The following ZNF219 variants were observed in gnomAD, a reference collection of about 807,000 sequenced individuals.
ZNF219 encodes the protein zinc finger protein 219.
Under a neutral mutation model 54.4 loss-of-function variants are expected in ZNF219, and 17 were observed. That is an observed-to-expected ratio of 0.31 (90% CI 0.21 to 0.47). ZNF219 has a LOEUF of 0.47. ZNF219 is among the 20% of genes least tolerant of loss of function. The probability of loss-of-function intolerance (pLI) is 1.00; values close to 1 mark genes in which losing one functional copy is unlikely to be tolerated. For synonymous variants in ZNF219, 518 were observed against 476.4 expected, an observed-to-expected ratio of 1.09 and a Z score of -1.14; for missense variants, 1,014 against 1,062.3, an observed-to-expected ratio of 0.95 and a Z score of 0.63.
Position 21,091,038 on chromosome 14 carries a change from G to T in ZNF219, c.1667C>A (p.Ala556Asp). The change falls in exon 5 of 5, where the codon GCC (alanine) becomes GAC (aspartate). Residue 556 changes from alanine to aspartate, a missense_variant. This residue lies in a region of ZNF219 where 281 missense variants were observed against 271.2 expected (regional missense o/e 1.04). Transcript: ENST00000360947. ...TGGCTCCGGGGGTGGCCCGGGGCCG[G>T]CCCCGCTCCTCTGCTCCCGGTGGTG... is the stretch of plus-strand genomic sequence containing the variant. Reference protein sequence around the residue: ...QRHHREQRSGAGPGPPPEPPP... With the variant: ...QRHHREQRSGDGPGPPPEPPP... 1 of 1,555,044 alleles carries T rather than the reference G, an allele frequency of 6.4e-7. No homozygotes were observed.
chr14:21,098,681 G>T, upstream of ZNF219: 1 of 888,532 alleles, frequency 1.1e-6, no homozygotes, highest in Non-Finnish European at 1.4e-6. Context: ...AGGGAGGGAG[G>T]AAGGGAGGGA....
upstream of ZNF219, among the ~76,000 whole-genome samples, chr14:21,100,532 G>GAGATAGATAGAT (rs3062000): frequency 2.0e-4 from 30 of 150,226 alleles, no homozygotes; most frequent in Admixed American, 3.3e-4. Flanking sequence ...TGAGGACCAT[G>GAGATAGATAGAT]AGATAGATAG....
In ZNF219 at chr14:21,092,404, G is replaced by A; in HGVS notation, c.893C>T (p.Ala298Val). ...FLKGHMRKHK[A>V]SFDHACPVCG... ...CACCGGACACGCATGATCGAAGGAG[G>A]CCTTGTGCTTACGCATGTGGCCCTT... The change falls in exon 3 of 5, where the codon GCC (alanine) becomes GTC (valine). Residue 298 changes from alanine (A) to valine (V), a missense_variant. By Grantham distance (64) the Ala-to-Val change is moderately conservative. Transcript: ENST00000360947. 6.4e-7 allele frequency: 1 copy of A among 1,568,960 alleles called. No homozygotes were observed. Among genetic ancestry groups the A allele is most frequent in the Non-Finnish European group, 8.6e-7 (1 of 1,157,238 alleles).
chr14:21,096,095 T>C (rs1469428213), intron 1 of ZNF219, among the ~76,000 whole-genome samples: 1 of 152,160 alleles, frequency 6.6e-6, no homozygotes, highest in Non-Finnish European at 1.5e-5. Flanking sequence ...GGGCACATAC[T>C]CTCATTCTGA....
chr14:21,092,296 G>C lies in ZNF219; in HGVS notation c.1001C>G (p.Pro334Arg). The C allele has an allele frequency of 6.6e-7, 1 of 1,525,470 alleles. No individual in the cohort carries two copies. The highest frequency in any genetic ancestry group is 8.8e-7 in the Non-Finnish European group (1 of 1,139,018). The allele number at this position is 1,525,470 out of a possible 1,614,324, so 94.5% of individuals were successfully genotyped here. ...HASKLGPLRA[P>R]GPASGPARAP... The stretch of plus-strand genomic sequence containing the variant: ...GCGGGCAGGCCCGGAGGCAGGCCCC[G>C]GGGCACGCAGTGGGCCCAGCTTGCT... Residue 334 changes from proline to arginine, a missense_variant, in exon 3 of 5, where the codon CCG (proline) becomes CGG (arginine). Physicochemically the swap from Pro to Arg is moderately radical, Grantham distance 103. This residue lies in a region of ZNF219 where 272 missense variants were observed against 248.9 expected (regional missense o/e 1.09). Coordinates refer to ENST00000360947, the MANE Select transcript of ZNF219 (RefSeq NM_016423.3).
In ZNF219 at chr14:21,090,800, C is replaced by A. The variant is rs762261719; in HGVS notation, c.1905G>T (p.Pro635=). ...EPLDLSLRAG[P]GGEAGPGGAL... ...CACCCCCAGGCCCGGCCTCGCCTCC[C>A]GGCCCTGCCCGCAAGGACAGGTCCA... The change falls in exon 5 of 5, where the codon CCG becomes CCT. Residue 635 remains proline, a synonymous_variant. Transcript: ENST00000360947. The surrounding 1 kb of genome is among the most constrained non-coding windows in gnomAD (Gnocchi z 4.4). The A allele has an allele frequency of 1.9e-6, 3 of 1,572,710 alleles. No homozygotes were observed. The highest frequency in any genetic ancestry group is 2.7e-5 in the African/African-American group (2 of 74,302).
intron 1 of ZNF219, among the ~76,000 whole-genome samples, chr14:21,098,016 C>G (rs1003104393): frequency 6.6e-6 from 1 of 151,322 alleles, no homozygotes; most frequent in Non-Finnish European, 1.5e-5. Context: ...CACATCCCCC[C>G]CGTTGGCCCT....
upstream of ZNF219, chr14:21,098,903 A>G (rs1193170908): frequency 1.6e-6 from 2 of 1,259,254 alleles, no homozygotes; most frequent in Non-Finnish European, 2.1e-6. Flanking sequence ...CCTCTCCCTT[A>G]CAATTTCTGT....
Position 21,098,586 on chromosome 14 carries a change from A to G in ZNF219, c.-358T>C. On this transcript the variant is annotated 5_prime_UTR_variant, in exon 1 of 5. Coordinates refer to ENST00000360947, the MANE Select transcript of ZNF219 (RefSeq NM_016423.3). ...CGGGAGCCGGGCTCTGGCTCCGGGGACAGGGAGCTGGGGACCCCGGGAGCC... is the reference window on the plus strand; with the variant it reads ...CGGGAGCCGGGCTCTGGCTCCGGGGGCAGGGAGCTGGGGACCCCGGGAGCC... 1 of 996,406 alleles carries G rather than the reference A, an allele frequency of 1.0e-6. No homozygotes were observed. Among genetic ancestry groups the G allele is most frequent in the Non-Finnish European group, 1.2e-6 (1 of 836,758 alleles). The allele number at this position is 996,406 out of a possible 1,614,324, so 61.7% of individuals were successfully genotyped here.
intron 1 of ZNF219, among the ~76,000 whole-genome samples, chr14:21,095,562 C>T (rs1242978406): frequency 6.6e-6 from 1 of 152,214 alleles, no homozygotes; most frequent in Non-Finnish European, 1.5e-5. Flanking sequence ...TCACAGGACT[C>T]TTTTGGACCC....
rs1266434149 is a variant in ZNF219 at position 21,094,735 on chromosome 14, G to GGGGC, written c.-83-1062_-83-1061insGCCC. Among the ~76,000 whole-genome samples, 14 of 85,114 alleles carry GGGGC rather than the reference G, an allele frequency of 1.6e-4. 4 individuals carry two copies. The highest frequency in any genetic ancestry group is 6.3e-4 in the African/African-American group (14 of 22,240). 55.8% of individuals were successfully genotyped at this position (85,114 alleles called of 152,430 possible). A position where few individuals can be genotyped will look rare whatever the true frequency, so the allele number is the denominator to read the frequency against. ...GGAAGAGGATAGGGGTTGGGGGGGG[G>GGGGC]GGCGGGTGCTGATCCTAAGCTGCAG... On this transcript the variant is annotated intron_variant, in intron 1 of 4. Transcript: ENST00000360947.
In ZNF219 at chr14:21,093,159, G is replaced by C. The variant is rs540176082; in HGVS notation, c.138C>G (p.Ser46Arg). 6.2e-7 allele frequency: 1 copy of C among 1,610,254 alleles called. No individual in the cohort carries two copies. The highest frequency in any genetic ancestry group is 1.3e-5 in the African/African-American group (1 of 75,022). Residue 46 changes from serine (S) to arginine (R), a missense_variant, in exon 3 of 5, where the codon AGC becomes AGG. Transcript: ENST00000360947. ...GTTCGCCTGCACGACTCTCAGACCA[G>C]CTCACCGCTCCCATCCCGAGCGACC... The part of the protein sequence containing the change: ...SAGSLGMGAV[S>R]WSESRAGERR...
upstream of ZNF219, chr14:21,101,088 C>T (rs1214618574): frequency 2.8e-6 from 1 of 352,302 alleles, no homozygotes; most frequent in African/African-American, 2.1e-5. Context: ...CTTCCTCTGC[C>T]AGGACAAGTT....
chr14:21,090,105 G>C lies in ZNF219; in HGVS notation c.*431C>G, dbSNP rs1888697290. ...GTGCCTCAAGACACCTGTTTATTGGGGACACGACTCTGCAATAGGGATGAC... is the reference window on the plus strand; with the variant it reads ...GTGCCTCAAGACACCTGTTTATTGGCGACACGACTCTGCAATAGGGATGAC... On this transcript the variant is annotated 3_prime_UTR_variant, in exon 5 of 5. Coordinates refer to ENST00000360947, the MANE Select transcript of ZNF219 (RefSeq NM_016423.3). This position sits in a 1 kb window ranked among gnomAD's most constrained non-coding sequence, Gnocchi z 4.4. The C allele has an allele frequency of 2.5e-6, 1 of 402,718 alleles. No individual in the cohort carries two copies. The highest frequency in any genetic ancestry group is 5.1e-6 in the Non-Finnish European group (1 of 197,314). 24.9% of individuals were successfully genotyped at this position (402,718 alleles called of 1,614,324 possible). A position where few individuals can be genotyped will look rare whatever the true frequency, so the allele number is the denominator to read the frequency against.
Position 21,090,524 on chromosome 14 carries a change from CCT to C in ZNF219, c.*10_*11del. 2.5e-6 allele frequency: 4 copies of C among 1,580,288 alleles called. No homozygotes were observed. Among genetic ancestry groups the C allele is most frequent in the Non-Finnish European group, 3.4e-6 (4 of 1,159,986 alleles). On this transcript the variant is annotated 3_prime_UTR_variant, in exon 5 of 5. Transcript: ENST00000360947. The surrounding 1 kb of genome is among the most constrained non-coding windows in gnomAD (Gnocchi z 4.4). ...GGGTAAGCTCACTAAGCTAATCGCC[CCT>C]GAGGGCCCACTACCGTTCTTGCCCC... is the stretch of plus-strand genomic sequence containing the variant.
chr14:21,101,364 G>C (rs767414101), upstream of ZNF219: 6 of 1,551,574 alleles, frequency 3.9e-6, no homozygotes, highest in Admixed American at 2.0e-5. Flanking sequence ...GAGCTGGTGA[G>C]CAAGAGCAGG....
chr14:21,101,940 A>C (rs1407582301), upstream of ZNF219: 1 of 1,551,492 alleles, frequency 6.4e-7, no homozygotes, highest in Non-Finnish European at 8.7e-7. Context: ...TGATTGTCAC[A>C]TGGCCACAGC....
In ZNF219 at chr14:21,090,781, C is replaced by G; in HGVS notation, c.1924G>C (p.Gly642Arg). The change falls in exon 5 of 5, where the codon GGG becomes CGG. Residue 642 changes from glycine to arginine, a missense_variant. Transcript: ENST00000360947. This position sits in a 1 kb window ranked among gnomAD's most constrained non-coding sequence, Gnocchi z 4.4. ...RAGPGGEAGPGGALHRCLFCP... is the reference protein window; with the variant it reads ...RAGPGGEAGPRGALHRCLFCP... ...AAGAGGCAGCGGTGGAGGGCACCCC[C>G]AGGCCCGGCCTCGCCTCCCGGCCCT... is the stretch of plus-strand genomic sequence containing the variant. 4.4e-6 allele frequency: 7 copies of G among 1,594,016 alleles called. No individual in the cohort carries two copies. Among genetic ancestry groups the G allele is most frequent in the Non-Finnish European group, 6.0e-6 (7 of 1,171,100 alleles).
upstream of ZNF219, chr14:21,102,138 G>A (rs189090055): frequency 9.7e-6 from 15 of 1,548,110 alleles, no homozygotes; most frequent in South Asian, 7.2e-5. Context: ...GGAAGAAAAC[G>A]CAGCACTGTC....
Sources: allele counts gnomAD v4.1 joint callset (sites outside exome capture counted in the v4.1 genomes callset), GRCh38; gene constraint gnomAD v4.1.1; regional missense constraint gnomAD v4.1.1; non-coding constraint Gnocchi (gnomAD v3.1); transcripts MANE v1.5; gene names NCBI Gene and HGNC (gene_info 2026-07-23, HGNC 2026-07-21).